ELFN1: variants seen among roughly 807,000 people sequenced by gnomAD.
ELFN1 encodes extracellular leucine rich repeat and fibronectin type III domain containing 1.
A neutral mutation model predicts 7.6 loss-of-function variants in ELFN1; 6 were observed. The observed-to-expected ratio is 0.79, with a 90% CI of 0.43 to 1.56. The LOEUF (loss-of-function observed/expected upper bound fraction) is 1.56. Among genes scored for constraint, ELFN1 ranks in the 40% most tolerant of loss-of-function variants. The probability of loss-of-function intolerance (pLI) is 0.01; values close to 1 mark genes in which losing one functional copy is unlikely to be tolerated. For synonymous variants in ELFN1, 657 were observed against 588.1 expected, an observed-to-expected ratio of 1.12 and a Z score of -1.70; for missense variants, 1,169 against 1,232.2, an observed-to-expected ratio of 0.95 and a Z score of 0.77.
intron 2 of ELFN1, among the ~76,000 whole-genome samples, chr7:1,697,614 AT>A (rs1779345949): frequency 1.3e-5 from 2 of 151,828 alleles, no homozygotes; most frequent in Non-Finnish European, 2.9e-5. Context: ...TATTTGCCAA[AT>A]TTGCAACAAC....
At position 1,736,865 on chromosome 7, in the gene ELFN1, C is replaced by T. The variant is rs947024931; in HGVS notation, c.-293-7439C>T. 9.2e-5 allele frequency among the ~76,000 whole-genome samples: 14 copies of T among 152,252 alleles called. No homozygotes were observed. The East Asian group carries it at 2.7e-3, about 30-fold the overall frequency. Reference sequence around the variant, plus strand: ...CAGTATTCAGACGGGAGAGGGTCTCCCAGGAGAGGGTTCTCAGGGAGCAAT... The same window carrying T: ...CAGTATTCAGACGGGAGAGGGTCTCTCAGGAGAGGGTTCTCAGGGAGCAAT... On this transcript the variant is annotated intron_variant, in intron 3 of 3. Transcript: ENST00000424383.
At chr7:1,676,957 C>T (rs1476824058) in intron 1 of ELFN1, among the ~76,000 whole-genome samples, 1 of 152,112 alleles carries the variant, frequency 6.6e-6, no homozygotes, top group Non-Finnish European at 1.5e-5. Context: ...TTTAAGGGCA[C>T]ACGAGGGAAT....
At chr7:1,681,268 A>G (rs1427755246) in intron 1 of ELFN1, among the ~76,000 whole-genome samples, 1 of 152,224 alleles carries the variant, frequency 6.6e-6, no homozygotes, top group Non-Finnish European at 1.5e-5. Context: ...ATGTGTGTCC[A>G]GCGTGGGGCC....
chr7:1,732,238 G>A (rs1421773369), intron 3 of ELFN1, among the ~76,000 whole-genome samples: 2 of 152,178 alleles, frequency 1.3e-5, no homozygotes, highest in Non-Finnish European at 2.9e-5. Flanking sequence ...GGGGTGCTGG[G>A]AGGGGTTCAC....
rs1168066563 is a variant in ELFN1 at position 1,746,767 on chromosome 7, C to T, written c.2171C>T (p.Pro724Leu). 4.6e-6 allele frequency: 7 copies of T among 1,510,708 alleles called. No individual in the cohort carries two copies. The highest frequency in any genetic ancestry group is 6.2e-6 in the Non-Finnish European group (7 of 1,135,972). 93.6% of individuals were successfully genotyped at this position (1,510,708 alleles called of 1,614,324 possible). A position where few individuals can be genotyped will look rare whatever the true frequency, so the allele number is the denominator to read the frequency against. ...EPPAPPGPPP[P>L]PPHEGLGRKA... ...CCTGCGCCCCCCGGGCCACCGCCGCCGCCTCCGCACGAGGGCCTGGGGCGC... is the reference window on the plus strand; with the variant it reads ...CCTGCGCCCCCCGGGCCACCGCCGCTGCCTCCGCACGAGGGCCTGGGGCGC... The change falls in exon 4 of 4, where the codon CCG (proline) becomes CTG (leucine). Residue 724 changes from proline to leucine, a missense_variant. This residue lies in a region of ELFN1 where 914 missense variants were observed against 872.6 expected (regional missense o/e 1.05). Coordinates refer to ENST00000424383, the MANE Select transcript of ELFN1 (RefSeq NM_001128636.4).
Position 1,705,346 on chromosome 7 carries a change from T to C in ELFN1, c.-455-3745T>C, listed in dbSNP as rs1168306737. Among the ~76,000 whole-genome samples the C allele has an allele frequency of 6.6e-6, 1 of 152,248 alleles. No homozygotes were observed. Among genetic ancestry groups the C allele is most frequent in the African/African-American group, 2.4e-5 (1 of 41,468 alleles). On this transcript the variant is annotated intron_variant, in intron 2 of 3. Coordinates refer to ENST00000424383, the MANE Select transcript of ELFN1 (RefSeq NM_001128636.4). The surrounding 1 kb of genome is among the most constrained non-coding windows in gnomAD (Gnocchi z 4.3). The stretch of plus-strand genomic sequence containing the variant: ...TATTTGTTTTGCTGATATAAGTGTT[T>C]GAAATGCAAATGTCAAGTTTGGGCG...
At chr7:1,711,979 A>G (rs1017291065) in intron 3 of ELFN1, among the ~76,000 whole-genome samples, 1 of 152,224 alleles carries the variant, frequency 6.6e-6, no homozygotes, top group East Asian at 1.9e-4. Flanking sequence ...GAGTGTGGAC[A>G]GTTAGGGCGA....
chr7:1,700,046 C>T (rs376212482), intron 2 of ELFN1, among the ~76,000 whole-genome samples: 117 of 152,124 alleles, frequency 7.7e-4, no homozygotes, highest in African/African-American at 2.7e-3. Flanking sequence ...CCATTTTTTT[C>T]CTTCTCTATC....
chr7:1,726,515 C>T (rs776131052), intron 3 of ELFN1, among the ~76,000 whole-genome samples: 6 of 152,234 alleles, frequency 3.9e-5, no homozygotes, highest in Non-Finnish European at 7.3e-5. Flanking sequence ...TCACGCCCAC[C>T]AGAGTGTGCT....
intron 3 of ELFN1, among the ~76,000 whole-genome samples, chr7:1,720,546 G>A (rs576087017): frequency 6.6e-6 from 1 of 152,326 alleles, no homozygotes; most frequent in East Asian, 1.9e-4. Flanking sequence ...CAATAACCGG[G>A]CCCCATCTAA....
In ELFN1 at chr7:1,740,387, G is replaced by A. The variant is rs1038651304; in HGVS notation, c.-293-3917G>A. Reference sequence around the variant, plus strand: ...AGCTGGGTCTGTGAAGGACAGTAACGCCCATGCGGGGTCTCCGCACCTGCC... The same window carrying A: ...AGCTGGGTCTGTGAAGGACAGTAACACCCATGCGGGGTCTCCGCACCTGCC... On this transcript the variant is annotated intron_variant, in intron 3 of 3. Transcript: ENST00000424383. This position sits in a 1 kb window ranked among gnomAD's most constrained non-coding sequence, Gnocchi z 5.0. Among the ~76,000 whole-genome samples, 15 of 152,262 alleles carry A rather than the reference G, an allele frequency of 9.9e-5. No individual in the cohort carries two copies. Among genetic ancestry groups the A allele is most frequent in the African/African-American group, 3.1e-4 (13 of 41,480 alleles).
intron 2 of ELFN1, among the ~76,000 whole-genome samples, chr7:1,688,838 C>A (rs1458285375): frequency 1.3e-5 from 2 of 152,118 alleles, no homozygotes; most frequent in African/African-American, 4.8e-5. Flanking sequence ...TATAGCCATG[C>A]CCCCTTCCCT....
intron 3 of ELFN1, among the ~76,000 whole-genome samples, chr7:1,720,654 C>T (rs1332614281): frequency 6.6e-6 from 1 of 152,164 alleles, no homozygotes; most frequent in Admixed American, 6.5e-5. Context: ...AAAGCTCCTT[C>T]CTATTCCAGT....
chr7:1,746,726 C>T lies in ELFN1; in HGVS notation c.2130C>T (p.Ser710=). The T allele has an allele frequency of 1.4e-6, 2 of 1,481,356 alleles. No individual in the cohort carries two copies. The highest frequency in any genetic ancestry group is 1.8e-6 in the Non-Finnish European group (2 of 1,122,550). 91.8% of individuals were successfully genotyped at this position (1,481,356 alleles called of 1,614,324 possible). Residue 710 remains serine, a synonymous_variant, in exon 4 of 4, where the codon TCC becomes TCT. Transcript: ENST00000424383. ...AGCACCGGCACTCGTACCCCGGCTC[C>T]CACCCGGCCGAGCCACCTGCGCCCC... The part of the protein sequence containing the change: ...YGEHRHSYPG[S]HPAEPPAPPG...
chr7:1,719,208 G>GC (rs1403069111), intron 3 of ELFN1, among the ~76,000 whole-genome samples: 2 of 133,486 alleles, frequency 1.5e-5, no homozygotes, highest in Admixed American at 7.5e-5. Flanking sequence ...CACCAACAGG[G>GC]CCCCGCCCAC....
intron 1 of ELFN1, among the ~76,000 whole-genome samples, chr7:1,682,935 T>A (rs568029288): frequency 1.3e-5 from 2 of 152,294 alleles, no homozygotes; most frequent in East Asian, 3.9e-4. Flanking sequence ...TTTGTCAAAT[T>A]ATTTTTCTAT....
rs1779279271 is a variant in ELFN1, at chr7:1,695,332, C to T, written c.-456+7182C>T. On this transcript the variant is annotated intron_variant, in intron 2 of 3. Coordinates refer to ENST00000424383, the MANE Select transcript of ELFN1 (RefSeq NM_001128636.4). The surrounding 1 kb of genome is among the most constrained non-coding windows in gnomAD (Gnocchi z 5.1). ...TCCTCCAGGGCTGCAGCTCAGGGCT[C>T]AGGTGTCCGCGTCGAGGGCACTCCC... 1.3e-5 allele frequency among the ~76,000 whole-genome samples: 2 copies of T among 152,184 alleles called. No individual in the cohort carries two copies. The highest frequency in any genetic ancestry group is 2.9e-5 in the Non-Finnish European group (2 of 68,036).
At chr7:1,715,574 G>A (rs1299190165) in intron 3 of ELFN1, among the ~76,000 whole-genome samples, 2 of 152,160 alleles carry the variant, frequency 1.3e-5, no homozygotes, top group African/African-American at 2.4e-5. Context: ...CCCCTTCCCC[G>A]CTGCAATCAG....
At position 1,746,082 on chromosome 7, in the gene ELFN1, C is replaced by A; in HGVS notation, c.1486C>A (p.Arg496Ser). The change falls in exon 4 of 4, where the codon CGC (arginine) becomes AGC (serine). Residue 496 changes from arginine (R) to serine (S), a missense_variant. Arg to Ser is a moderately radical substitution (Grantham distance 110). Coordinates refer to ENST00000424383, the MANE Select transcript of ELFN1 (RefSeq NM_001128636.4). ...GPLLGPEAVT[R>S]IPYLPAAGEV... is the part of the protein sequence containing the mutation. The stretch of plus-strand genomic sequence containing the variant: ...GCTGCTGGGCCCCGAGGCCGTGACG[C>A]GCATCCCTTACCTGCCTGCGGCCGG... The A allele has an allele frequency of 1.3e-6, 2 of 1,547,282 alleles. No homozygotes were observed. Among genetic ancestry groups the A allele is most frequent in the Non-Finnish European group, 1.7e-6 (2 of 1,145,370 alleles).
Sources: allele counts gnomAD v4.1 joint callset (sites outside exome capture counted in the v4.1 genomes callset), GRCh38; gene constraint gnomAD v4.1.1; regional missense constraint gnomAD v4.1.1; non-coding constraint Gnocchi (gnomAD v3.1); transcripts MANE v1.5; gene names NCBI Gene and HGNC (gene_info 2026-07-23, HGNC 2026-07-21).